Variants in SORCS3 observed in about 807,000 individuals in gnomAD.
SORCS3 encodes VPS10 domain-containing receptor SorCS3.
In SORCS3, 57 loss-of-function variants were observed where a neutral mutation model predicts 146.3. The ratio of observed to expected loss-of-function variants is 0.39; its 90% CI spans 0.31 to 0.49. The LOEUF is 0.49. Ranked by LOEUF, SORCS3 falls within the 20% of genes least tolerant of loss-of-function variation. The pLI is 0.92. For missense variants in SORCS3, 1,341 were observed against 1,575.5 expected, an observed-to-expected ratio of 0.85 and a Z score of 2.52; for synonymous variants, 653 against 618.5, an observed-to-expected ratio of 1.06 and a Z score of -0.83.
At chr10:105,097,880 G>A (rs759718491) in intron 6 of SORCS3, among the ~76,000 whole-genome samples, 8 of 152,114 alleles carry the variant, frequency 5.3e-5, no homozygotes, top group South Asian at 4.1e-4. Flanking sequence ...CAAAACATTC[G>A]AAGCATCTAG....
intron 6 of SORCS3, among the ~76,000 whole-genome samples, chr10:105,091,873 G>T (rs906747037): frequency 6.6e-6 from 1 of 152,092 alleles, no homozygotes; most frequent in African/African-American, 2.4e-5. Context: ...TGACCCACAG[G>T]CCAGTTTTCA....
chr10:104,695,540 T>C (rs1363765545), intron 1 of SORCS3, among the ~76,000 whole-genome samples: 1 of 152,014 alleles, frequency 6.6e-6, no homozygotes, highest in African/African-American at 2.4e-5. Flanking sequence ...GACCATTCTT[T>C]ATCCCTGCCT....
At chr10:104,834,999 T>A (rs769670540) in intron 1 of SORCS3, among the ~76,000 whole-genome samples, 5 of 152,154 alleles carry the variant, frequency 3.3e-5, no homozygotes, top group African/African-American at 4.8e-5. Context: ...TTGTAAAATT[T>A]CTTGCATCAG....
At chr10:104,971,530 G>T (rs1379568548) in intron 3 of SORCS3, among the ~76,000 whole-genome samples, 1 of 152,190 alleles carries the variant, frequency 6.6e-6, no homozygotes, top group Non-Finnish European at 1.5e-5. Flanking sequence ...AGTAGGGCTG[G>T]AATCAGGTAC....
chr10:104,665,392 C>T (rs1030341007), intron 1 of SORCS3: 1 of 152,166 alleles, frequency 6.6e-6, no homozygotes, highest in Non-Finnish European at 1.5e-5. Context: ...CTCCCAGAGC[C>T]TCCTGTAGGA....
At chr10:105,172,165 A>G (rs962384530) in intron 13 of SORCS3, among the ~76,000 whole-genome samples, 1 of 152,206 alleles carries the variant, frequency 6.6e-6, no homozygotes, top group Non-Finnish European at 1.5e-5. Context: ...GATTTTTAGA[A>G]AAGTACAGCT....
intron 1 of SORCS3, among the ~76,000 whole-genome samples, chr10:104,840,536 T>C (rs1030920237): frequency 3.9e-5 from 6 of 152,312 alleles, no homozygotes; most frequent in Admixed American, 3.3e-4. Context: ...GAAGGAAGAA[T>C]CTGGATCTTT....
chr10:104,681,840 G>T (rs1196505679), intron 1 of SORCS3, among the ~76,000 whole-genome samples: 1 of 152,084 alleles, frequency 6.6e-6, no homozygotes, highest in Non-Finnish European at 1.5e-5. Context: ...TCCTCTTCTG[G>T]TTTTTACTTA....
rs74591960 is a variant in SORCS3, at chr10:104,865,369, A to G, written c.695+22510A>G. On this transcript the variant is annotated intron_variant, in intron 2 of 26. Coordinates refer to ENST00000369701, the MANE Select transcript of SORCS3 (RefSeq NM_014978.3). The stretch of plus-strand genomic sequence containing the variant: ...CAAATCTTGACCTGATCCCTTGTCA[A>G]TCTCTTCCTTTTTGAACTTTCTCAG... 8.5e-5 allele frequency among the ~76,000 whole-genome samples: 13 copies of G among 152,284 alleles called. No homozygotes were observed. In the East Asian group the frequency reaches 1.4e-3, roughly 16 times the overall value.
intron 3 of SORCS3, among the ~76,000 whole-genome samples, chr10:104,938,431 C>T (rs539234889): frequency 6.6e-6 from 1 of 152,242 alleles, no homozygotes; most frequent in African/African-American, 2.4e-5. Flanking sequence ...AATGTACACC[C>T]AATATTTTTG....
intron 2 of SORCS3, among the ~76,000 whole-genome samples, chr10:104,912,939 T>C (rs1268626553): frequency 6.6e-6 from 1 of 152,070 alleles, no homozygotes; most frequent in African/African-American, 2.4e-5. Flanking sequence ...GAGGAAAATT[T>C]GCCAAGTAGA....
At chr10:104,930,899 A>T (rs76837655) in intron 3 of SORCS3, among the ~76,000 whole-genome samples, 5,811 of 152,276 alleles carry the variant, frequency 0.038, 152 homozygotes, top group East Asian at 0.14. Flanking sequence ...AAATCTTTGC[A>T]AATACTTAGT....
rs75591421 is a variant in SORCS3 at position 104,904,833 on chromosome 10, A to ATT, written c.696-10991_696-10990dup. ...GGTATTTCTACCATAAATTTTCAGT[A>ATT]TTTTTTTTTTAAAAGACTCTAGGGT... On this transcript the variant is annotated intron_variant, in intron 2 of 26. Coordinates refer to ENST00000369701, the MANE Select transcript of SORCS3 (RefSeq NM_014978.3). Among the ~76,000 whole-genome samples the ATT allele has an allele frequency of 5.5e-3, 819 of 148,344 alleles. 12 individuals are homozygous for ATT. The highest frequency in any genetic ancestry group is 0.019 in the African/African-American group (759 of 40,262).
At chr10:104,888,647 A>G (rs2133581267) in intron 2 of SORCS3, among the ~76,000 whole-genome samples, 1 of 152,352 alleles carries the variant, frequency 6.6e-6, no homozygotes, top group Middle Eastern at 3.4e-3. Flanking sequence ...CAGAGGTTAC[A>G]TTTTAAATAC....
chr10:104,728,025 A>ATCTG (rs1386854333), intron 1 of SORCS3, among the ~76,000 whole-genome samples: 316 of 26,064 alleles, frequency 0.012, no homozygotes, highest in African/African-American at 0.041. Flanking sequence ...TAACAGTTCT[A>ATCTG]TCTATCTATC....
In SORCS3 at chr10:105,139,398, TAAC is replaced by T; in HGVS notation, c.1218_1220del (p.Thr407del). The T allele has an allele frequency of 6.2e-7, 1 of 1,612,356 alleles. No individual in the cohort carries two copies. Among genetic ancestry groups the T allele is most frequent in the East Asian group, 2.2e-5 (1 of 44,856 alleles). ...CTTTGTGTTTCCCCCACAATCTAGGTAACAACTAGTGGAAGAGCCAGCTACTAC... is the reference window on the plus strand; with the variant it reads ...CTTTGTGTTTCCCCCACAATCTAGGTAACTAGTGGAAGAGCCAGCTACTAC... On this transcript the variant is annotated inframe_deletion and splice_region_variant, in exon 8 of 27. Coordinates refer to ENST00000369701, the MANE Select transcript of SORCS3 (RefSeq NM_014978.3).
chr10:105,233,781 T>C (rs1453071123), intron 20 of SORCS3, among the ~76,000 whole-genome samples: 1 of 152,236 alleles, frequency 6.6e-6, no homozygotes, highest in East Asian at 1.9e-4. Flanking sequence ...GGTGTATATG[T>C]GCCACATCTT....
intron 1 of SORCS3, among the ~76,000 whole-genome samples, chr10:104,689,525 A>C (rs144031123): frequency 8.4e-4 from 128 of 152,272 alleles, no homozygotes; most frequent in African/African-American, 3.0e-3. Flanking sequence ...GGACACTTTC[A>C]TCTTCTCACT....
chr10:105,229,464 G>A (rs1036215775), intron 20 of SORCS3, among the ~76,000 whole-genome samples: 1 of 152,110 alleles, frequency 6.6e-6, no homozygotes, highest in African/African-American at 2.4e-5. Flanking sequence ...CTGTGCAGCT[G>A]GTATAATGGT....
Sources: gnomAD v4.1 joint callset for allele counts (sites outside exome capture counted in the v4.1 genomes callset) on GRCh38, gnomAD v4.1.1 for gene constraint, MANE v1.5 for transcripts, NCBI Gene and HGNC (gene_info 2026-07-23, HGNC 2026-07-21) for gene names.